The following SMIM27 variants were observed in gnomAD, a reference collection of about 807,000 sequenced individuals.
SMIM27 encodes the protein transition zone microprotein 1, also known as TOPORS antisense RNA 1 (non-protein coding).
SMIM27 carries 3 observed loss-of-function variants against 1.8 expected under a neutral mutation model. The ratio of observed to expected loss-of-function variants is 1.65; its 90% CI spans 0.75 to 4.28. The LOEUF is 4.28. Ranked by LOEUF, SMIM27 falls within the 30% of genes most tolerant of loss-of-function variation. The probability of loss-of-function intolerance (pLI) is 0.02; values close to 1 mark genes in which losing one functional copy is unlikely to be tolerated. For synonymous variants in SMIM27, 19 were observed against 13.9 expected (o/e 1.37, Z -0.82); for missense variants, 63 against 37.0 (o/e 1.70, Z -1.83).
intron 1 of SMIM27, chr9:32,566,260 A>G: frequency 9.0e-7 from 1 of 1,110,126 alleles, no homozygotes; most frequent in South Asian, 1.2e-5. Context: ...GACAACACTA[A>G]TTTTAGGTTC....
At chr9:32,562,795 T>C (rs192831688) in intron 1 of SMIM27, among the ~76,000 whole-genome samples, 48 of 152,224 alleles carry the variant, frequency 3.2e-4, no homozygotes, top group African/African-American at 1.0e-3. Flanking sequence ...CAATAATTGT[T>C]TGGACTTATC....
At chr9:32,563,402 G>C (rs1471514576) in intron 1 of SMIM27, among the ~76,000 whole-genome samples, 1 of 151,244 alleles carries the variant, frequency 6.6e-6, no homozygotes, top group South Asian at 2.1e-4. Context: ...AGTACAGTGG[G>C]CAGCACAATC....
At chr9:32,563,625 A>AATGT (rs1821693804) in intron 1 of SMIM27, among the ~76,000 whole-genome samples, 1 of 151,754 alleles carries the variant, frequency 6.6e-6, no homozygotes, top group Admixed American at 6.6e-5. Flanking sequence ...TGCCCAGACT[A>AATGT]ATGTTAGCAT....
chr9:32,558,936 CT>C, intron 1 of SMIM27: 1 of 1,584,756 alleles, frequency 6.3e-7, no homozygotes, highest in East Asian at 2.2e-5. Flanking sequence ...TTCTTTTCAA[CT>C]ATGCCATATG....
At chr9:32,561,330 C>CTT (rs58946235) in intron 1 of SMIM27, among the ~76,000 whole-genome samples, 2 of 144,946 alleles carry the variant, frequency 1.4e-5, no homozygotes, top group African/African-American at 2.5e-5. Context: ...TCACTATTTT[C>CTT]TTTTTTTTTT....
At position 32,552,412 on chromosome 9, in the gene SMIM27, C is replaced by T; in HGVS notation, c.-23C>T. The T allele has an allele frequency of 6.2e-7, 1 of 1,608,902 alleles. No homozygotes were observed. Among genetic ancestry groups the T allele is most frequent in the Non-Finnish European group, 8.5e-7 (1 of 1,178,120 alleles). ...GGCCCGCAGCTCCCGCCAGCTCCCG[C>T]GGACTGCTGCCGCCTCCTTACCATG... On this transcript the variant is annotated 5_prime_UTR_variant, in exon 1 of 2. Coordinates refer to ENST00000692500, the MANE Select transcript of SMIM27 (RefSeq NM_001387564.1).
chr9:32,557,979 G>C (rs546272786), downstream of SMIM27, among the ~76,000 whole-genome samples: 1 of 152,150 alleles, frequency 6.6e-6, no homozygotes, highest in African/African-American at 2.4e-5. Flanking sequence ...AAATAGACAA[G>C]AACATAGTAT....
At chr9:32,551,714 G>A, upstream of SMIM27, 1 of 396,126 alleles carries the variant, frequency 2.5e-6, no homozygotes, top group Non-Finnish European at 5.3e-6. Flanking sequence ...CCACCAAACT[G>A]CCGTGCTCGG....
rs186421513 is a variant in SMIM27 at position 32,558,365 on chromosome 9, C to T, written c.45+5886C>T. On this transcript the variant is annotated intron_variant, in intron 1 of 1. Transcript: ENST00000451672. ...TGACCTCACGATCCACCCATCTTGG[C>T]CTCCCAAAGTGCTGGGATTACAGGC... 1.4e-4 allele frequency among the ~76,000 whole-genome samples: 22 copies of T among 152,290 alleles called. No homozygotes were observed. In the East Asian group the frequency reaches 3.7e-3, roughly 25 times the overall value.
chr9:32,559,602 C>T (rs114461434), intron 1 of SMIM27, among the ~76,000 whole-genome samples: 2,419 of 152,202 alleles, frequency 0.016, 80 homozygotes, highest in African/African-American at 0.055. Context: ...CTTCATGATT[C>T]CTCTACCTGA....
chr9:32,553,673 AG>A, downstream of SMIM27: 2 of 519,326 alleles, frequency 3.9e-6, no homozygotes, highest in Non-Finnish European at 6.9e-6. Context: ...CAGAAAAAGT[AG>A]GTAGTCTCTC....
chr9:32,555,066 G>T (rs1821418837), downstream of SMIM27, among the ~76,000 whole-genome samples: 1 of 151,714 alleles, frequency 6.6e-6, no homozygotes, highest in Non-Finnish European at 1.5e-5. Context: ...GAACACTTTG[G>T]TGCACGCTAG....
chr9:32,556,377 A>G (rs184909724), downstream of SMIM27, among the ~76,000 whole-genome samples: 3 of 152,380 alleles, frequency 2.0e-5, no homozygotes, highest in Admixed American at 1.3e-4. Context: ...GTATCTTTGT[A>G]TCACAATCTT....
chr9:32,553,244 A>G (rs971788058), downstream of SMIM27: 42 of 208,210 alleles, frequency 2.0e-4, no homozygotes, highest in African/African-American at 9.2e-4. Context: ...GCCCAGGCTC[A>G]GTGGCACTAT....
intron 1 of SMIM27, among the ~76,000 whole-genome samples, chr9:32,560,115 G>C (rs1314017283): frequency 6.6e-6 from 1 of 152,202 alleles, no homozygotes; most frequent in Non-Finnish European, 1.5e-5. Context: ...GAGAGATGCA[G>C]AATTCAATTA....
chr9:32,558,875 TAAAC>T (rs1014638782), intron 1 of SMIM27: 3 of 1,398,534 alleles, frequency 2.1e-6, no homozygotes, highest in Admixed American at 1.9e-5. Context: ...AGAAAAACAA[TAAAC>T]AAAAGAAAAA....
chr9:32,554,022 C>T (rs56027914), downstream of SMIM27: 4,195 of 878,340 alleles, frequency 4.8e-3, 122 homozygotes, highest in African/African-American at 0.063. Context: ...CTATGTTCAT[C>T]AGATCTCACA....
chr9:32,551,255 A>C (rs1395406140), upstream of SMIM27: 3 of 569,176 alleles, frequency 5.3e-6, no homozygotes, highest in Non-Finnish European at 9.5e-6. Context: ...CCCGGAAAAC[A>C]CGAGAACTAG....
upstream of SMIM27, chr9:32,552,299 G>A: frequency 1.5e-6 from 2 of 1,302,628 alleles, no homozygotes; most frequent in Non-Finnish European, 2.2e-6. Flanking sequence ...CAGCGACAGC[G>A]CTGCACGAAG....
Sources: gnomAD v4.1 joint callset for allele counts (sites outside exome capture counted in the v4.1 genomes callset) on GRCh38, gnomAD v4.1.1 for gene constraint, MANE v1.5 for transcripts, NCBI Gene and HGNC (gene_info 2026-07-23, HGNC 2026-07-21) for gene names.